ITPR3: variants seen among roughly 807,000 people sequenced by gnomAD.
ITPR3 encodes inositol 1,4,5-trisphosphate-gated calcium channel ITPR3.
Under a neutral mutation model 293.2 loss-of-function variants are expected in ITPR3, and 173 were observed. The ratio of observed to expected loss-of-function variants is 0.59; its 90% confidence interval spans 0.52 to 0.67. ITPR3 has a LOEUF of 0.67. ITPR3 is among the 30% of genes least tolerant of loss of function. The pLI, the probability that ITPR3 is intolerant of heterozygous loss-of-function variation, is 0.00. For synonymous variants in ITPR3, 1,295 were observed against 1,444.4 expected (o/e 0.90, Z 2.35); for missense variants, 2,796 against 3,592.1 (o/e 0.78, Z 5.66).
chr6:33,693,907 G>A (rs1042992022), intron 56 of ITPR3, among the ~76,000 whole-genome samples: 1 of 152,250 alleles, frequency 6.6e-6, no homozygotes, highest in African/African-American at 2.4e-5. Context: ...AGCAGGGCGA[G>A]GAGCAGCAGC....
intron 1 of ITPR3, among the ~76,000 whole-genome samples, chr6:33,636,004 T>C (rs961453895): frequency 2.6e-5 from 4 of 151,344 alleles, no homozygotes; most frequent in African/African-American, 9.7e-5. Flanking sequence ...AGGGATCCCC[T>C]GGCCGGGTTC....
In ITPR3 at chr6:33,683,432, G is replaced by A. The variant is rs1456899914; in HGVS notation, c.4788+35G>A. 4 of 1,462,882 alleles carry A rather than the reference G, an allele frequency of 2.7e-6. No homozygotes were observed. The highest frequency in any genetic ancestry group is 1.4e-5 in the African/African-American group (1 of 70,434). 90.6% of individuals were successfully genotyped at this position (1,462,882 alleles called of 1,614,324 possible). On this transcript the variant is annotated intron_variant, in intron 35 of 57. Coordinates refer to ENST00000605930, the MANE Select transcript of ITPR3 (RefSeq NM_002224.4). This position sits in a 1 kb window ranked among gnomAD's most constrained non-coding sequence, Gnocchi z 4.5. Reference sequence around the variant, plus strand: ...GGGCTGCCTGGCATCTGCCTCGGGAGCTGCTTGGTTGAGTCAGCAGCTCCC... The same window carrying A: ...GGGCTGCCTGGCATCTGCCTCGGGAACTGCTTGGTTGAGTCAGCAGCTCCC...
Position 33,695,957 on chromosome 6 carries a change from AGCT to A in ITPR3, c.*179_*181del. On this transcript the variant is annotated 3_prime_UTR_variant, in exon 58 of 58. Transcript: ENST00000605930. ...GAAGAGCATGGAGGGGGAGCCTCAG[AGCT>A]GACAGTCCTGCTTAGAGCCCTTAAA... The A allele has an allele frequency of 1.6e-6, 1 of 615,854 alleles. No individual in the cohort carries two copies. The allele number at this position is 615,854 out of a possible 1,614,324, so 38.1% of individuals were successfully genotyped here.
chr6:33,626,523 G>T (rs946046297), intron 1 of ITPR3, among the ~76,000 whole-genome samples: 1 of 152,170 alleles, frequency 6.6e-6, no homozygotes, highest in African/African-American at 2.4e-5. Flanking sequence ...CTGCCTGCTA[G>T]GTCTACCTGC....
chr6:33,683,067 C>T lies in ITPR3; in HGVS notation c.4598-140C>T, dbSNP rs1021651898. On this transcript the variant is annotated intron_variant, in intron 34 of 57. Transcript: ENST00000605930. This position sits in a 1 kb window ranked among gnomAD's most constrained non-coding sequence, Gnocchi z 4.5. ...AGCCTCTCAGTCCCTCAAGCATAGG[C>T]CGGGGTGGGGGGGGTCTCTGTCTCC... is the stretch of plus-strand genomic sequence containing the variant. 44 of 528,388 alleles carry T rather than the reference C, an allele frequency of 8.3e-5. No individual in the cohort carries two copies. The highest frequency in any genetic ancestry group is 1.7e-4 in the Admixed American group (3 of 17,330). 32.7% of individuals were successfully genotyped at this position (528,388 alleles called of 1,614,324 possible).
rs1241878966 is a variant in ITPR3, at chr6:33,686,568, C to T, written c.5979+49C>T. ...GAGTGCTGGGTGTGCATGTGATGTG[C>T]ATGCATGTATGTGTGACTTGTGTGT... On this transcript the variant is annotated intron_variant, in intron 43 of 57. Coordinates refer to ENST00000605930, the MANE Select transcript of ITPR3 (RefSeq NM_002224.4). The T allele has an allele frequency of 2.2e-6, 3 of 1,375,750 alleles. No individual in the cohort carries two copies. In the African/African-American group the frequency reaches 4.3e-5, roughly 20 times the overall value. The allele number at this position is 1,375,750 out of a possible 1,614,324, so 85.2% of individuals were successfully genotyped here.
chr6:33,658,117 A>C lies in ITPR3; in HGVS notation c.369+99A>C, dbSNP rs1264323358. On this transcript the variant is annotated intron_variant, in intron 4 of 57. Transcript: ENST00000605930. This position sits in a 1 kb window ranked among gnomAD's most constrained non-coding sequence, Gnocchi z 6.1. ...TGCCAGCAGGCATTGCCCTCTGTGC[A>C]TGTGTGTCCCCGGGTGAATGAGTGG... The C allele has an allele frequency of 4.9e-6, 5 of 1,017,144 alleles. No homozygotes were observed. The highest frequency in any genetic ancestry group is 7.6e-6 in the Non-Finnish European group (5 of 661,232). The allele number at this position is 1,017,144 out of a possible 1,614,324, so 63.0% of individuals were successfully genotyped here. A position where few individuals can be genotyped will look rare whatever the true frequency, so the allele number is the denominator to read the frequency against.
intron 2 of ITPR3, among the ~76,000 whole-genome samples, chr6:33,646,819 A>AG (rs1374893654): frequency 6.6e-6 from 1 of 152,060 alleles, no homozygotes; most frequent in Non-Finnish European, 1.5e-5. Flanking sequence ...CAGGAGACTG[A>AG]GGTGGGAGGA....
At chr6:33,685,915 G>A in intron 41 of ITPR3, 88 bp downstream of exon 41, 7 of 1,521,238 alleles carry the variant, frequency 4.6e-6, no homozygotes, top group Non-Finnish European at 6.3e-6. Flanking sequence ...CTCTATGGCA[G>A]GTGTGCCCTG....
At position 33,658,834 on chromosome 6, in the gene ITPR3, G is replaced by T; in HGVS notation, c.528+6G>T. The T allele has an allele frequency of 6.2e-7, 1 of 1,614,010 alleles. No homozygotes were observed. The highest frequency in any genetic ancestry group is 2.2e-5 in the East Asian group (1 of 44,882). On this transcript the variant is annotated splice_donor_region_variant and intron_variant, in intron 5 of 57. Coordinates refer to ENST00000605930, the MANE Select transcript of ITPR3 (RefSeq NM_002224.4). This position sits in a 1 kb window ranked among gnomAD's most constrained non-coding sequence, Gnocchi z 6.1. ...TGCGGAGCAACGGGGACAACGTGAG[G>T]GCAGGGCCAGGGTTGGAGGGGCCTG...
chr6:33,679,919 A>G lies in ITPR3; in HGVS notation c.4010A>G (p.Asn1337Ser). Reference protein sequence around the residue: ...NAGDDVVVFYNDKASLAHLLD... With the variant: ...NAGDDVVVFYSDKASLAHLLD... ...GGTGACGATGTGGTCGTGTTCTACA[A>G]TGATAAGGCATCGCTGGCCCACCTG... Residue 1337 changes from asparagine (N) to serine (S), a missense_variant, in exon 31 of 58, where the codon AAT becomes AGT. This residue lies in a region of ITPR3 where 344 missense variants were observed against 460.3 expected (regional missense o/e 0.75). Coordinates refer to ENST00000605930, the MANE Select transcript of ITPR3 (RefSeq NM_002224.4). This position sits in a 1 kb window ranked among gnomAD's most constrained non-coding sequence, Gnocchi z 4.2. The G allele has an allele frequency of 6.2e-7, 1 of 1,613,734 alleles. No homozygotes were observed. Among genetic ancestry groups the G allele is most frequent in the Non-Finnish European group, 8.5e-7 (1 of 1,179,966 alleles).
At chr6:33,660,935 A>AAAAC (rs200496278) in intron 7 of ITPR3, among the ~76,000 whole-genome samples, 4 of 150,726 alleles carry the variant, frequency 2.7e-5, no homozygotes, top group African/African-American at 1.0e-4. Flanking sequence ...CTTCTCAAAA[A>AAAAC]AAACAAACAA....
chr6:33,643,550 G>T (rs1763997322), intron 2 of ITPR3, among the ~76,000 whole-genome samples: 1 of 152,254 alleles, frequency 6.6e-6, no homozygotes. Flanking sequence ...TAACGTTTCG[G>T]GCTGTGGCTG....
chr6:33,665,112 G>C lies in ITPR3; in HGVS notation c.1308G>C (p.Val436=), dbSNP rs1159753893. 1 of 1,614,186 alleles carries C rather than the reference G, an allele frequency of 6.2e-7. No individual in the cohort carries two copies. The highest frequency in any genetic ancestry group is 8.5e-7 in the Non-Finnish European group (1 of 1,180,048). ...CCTTTGCCATCGTGTCAGTGCCCGT[G>C]TCTGAGATCCGAGACCTGGACTTTG... The part of the protein sequence containing the change: ...KEAFAIVSVP[V]SEIRDLDFAN... Residue 436 remains valine (V), a synonymous_variant, in exon 13 of 58, where the codon GTG becomes GTC. Transcript: ENST00000605930.
chr6:33,623,825 G>A (rs1252737240), intron 1 of ITPR3, among the ~76,000 whole-genome samples: 1 of 152,080 alleles, frequency 6.6e-6, no homozygotes, highest in Admixed American at 6.6e-5. Context: ...CTTCTACGCC[G>A]GGGTACCCCC....
rs751890254 is a variant in ITPR3 at position 33,670,659 on chromosome 6, C to T, written c.2442-12C>T. On this transcript the variant is annotated splice_polypyrimidine_tract_variant and intron_variant, in intron 19 of 57. Coordinates refer to ENST00000605930, the MANE Select transcript of ITPR3 (RefSeq NM_002224.4). The surrounding 1 kb of genome is among the most constrained non-coding windows in gnomAD (Gnocchi z 6.7). ...CTCGGGGACCTTCATGCCTCATGGC[C>T]TCCACCCTCAGCTATGATTCCAACC... 8.1e-6 allele frequency: 13 copies of T among 1,613,880 alleles called. No individual in the cohort carries two copies. Among genetic ancestry groups the T allele is most frequent in the South Asian group, 1.1e-5 (1 of 91,054 alleles).
intron 2 of ITPR3, among the ~76,000 whole-genome samples, chr6:33,642,567 C>T (rs1193911337): frequency 6.6e-6 from 1 of 152,060 alleles, no homozygotes; most frequent in East Asian, 1.9e-4. Context: ...CCCTAAGCTT[C>T]TAGTGAACAG....
chr6:33,653,431 A>G (rs1391641994), intron 2 of ITPR3, among the ~76,000 whole-genome samples: 1 of 152,010 alleles, frequency 6.6e-6, no homozygotes, highest in Non-Finnish European at 1.5e-5. Context: ...CCTTTAAATC[A>G]TGAATGTGGC....
chr6:33,649,414 T>A (rs1239386474), intron 2 of ITPR3, among the ~76,000 whole-genome samples: 2 of 152,028 alleles, frequency 1.3e-5, no homozygotes, highest in Non-Finnish European at 2.9e-5. Context: ...TGGTAGAGAC[T>A]GAGTTTCTCC....
Sources: allele counts gnomAD v4.1 joint callset (sites outside exome capture counted in the v4.1 genomes callset), GRCh38; gene constraint gnomAD v4.1.1; regional missense constraint gnomAD v4.1.1; non-coding constraint Gnocchi (gnomAD v3.1); transcripts MANE v1.5; gene names NCBI Gene and HGNC (gene_info 2026-07-23, HGNC 2026-07-21).